Variants in GNG7 observed in about 807,000 individuals in gnomAD.
GNG7 encodes guanine nucleotide-binding protein G(I)/G(S)/G(O) subunit gamma-7.
A neutral mutation model predicts 4.0 loss-of-function variants in GNG7; 1 was observed. That is an observed-to-expected ratio of 0.25 (90% confidence interval 0.09 to 1.18). GNG7 has a LOEUF of 1.18. Ranked by LOEUF, GNG7 falls within the 50% of genes most tolerant of loss-of-function variation. GNG7 has a pLI of 0.50. For synonymous variants in GNG7, 34 were observed against 36.9 expected (o/e 0.92, Z 0.29); for missense variants, 86 against 91.9 (o/e 0.94, Z 0.26).
intron 1 of GNG7, among the ~76,000 whole-genome samples, chr19:2,673,473 A>C (rs1271544812): frequency 6.6e-6 from 1 of 151,902 alleles, no homozygotes; most frequent in Non-Finnish European, 1.5e-5. Context: ...CGGGCGGCTC[A>C]CCTGAGGTCA....
At chr19:2,692,968 G>A (rs576132226) in intron 1 of GNG7, among the ~76,000 whole-genome samples, 7 of 151,198 alleles carry the variant, frequency 4.6e-5, no homozygotes, top group Admixed American at 6.6e-5. Context: ...CCTGGGTAAC[G>A]GAGTAAGCCC....
intron 3 of GNG7, among the ~76,000 whole-genome samples, chr19:2,549,174 C>T (rs534313684): frequency 6.6e-5 from 10 of 152,104 alleles, no homozygotes; most frequent in East Asian, 1.9e-4. Context: ...GCTCAACGCT[C>T]GACGCTCAAA....
chr19:2,579,495 C>T (rs1212555177), intron 2 of GNG7, among the ~76,000 whole-genome samples: 1 of 152,234 alleles, frequency 6.6e-6, no homozygotes. Flanking sequence ...CTCTGAAGCC[C>T]TCGGCACACA....
intron 3 of GNG7, among the ~76,000 whole-genome samples, chr19:2,549,626 G>A (rs545511666): frequency 3.0e-4 from 46 of 152,174 alleles, no homozygotes; most frequent in African/African-American, 1.1e-3. Flanking sequence ...ACGGGGCCGG[G>A]GCATTGTAAG....
At chr19:2,549,505 G>A (rs1979247855) in intron 3 of GNG7, among the ~76,000 whole-genome samples, 1 of 152,072 alleles carries the variant, frequency 6.6e-6, no homozygotes, top group Admixed American at 6.6e-5. Flanking sequence ...TGGCCAGGCT[G>A]GTCTTGAACT....
chr19:2,581,886 G>GT, intron 2 of GNG7, among the ~76,000 whole-genome samples: 1 of 152,326 alleles, frequency 6.6e-6, no homozygotes, highest in East Asian at 1.9e-4. Flanking sequence ...ACAGGGAGGT[G>GT]AGAACATTTT....
chr19:2,575,494 C>T (rs1038046267), intron 2 of GNG7, among the ~76,000 whole-genome samples: 12 of 151,188 alleles, frequency 7.9e-5, no homozygotes, highest in South Asian at 2.1e-4. Context: ...CATGCAGACA[C>T]GCAGGCACAC....
intron 2 of GNG7, among the ~76,000 whole-genome samples, chr19:2,600,708 T>C (rs1327960407): frequency 6.6e-6 from 1 of 151,650 alleles, no homozygotes; most frequent in Non-Finnish European, 1.5e-5. Flanking sequence ...ACTCCTGAGC[T>C]CAGGTGATCC....
chr19:2,581,666 A>G (rs771869595), intron 2 of GNG7, among the ~76,000 whole-genome samples: 32 of 152,186 alleles, frequency 2.1e-4, no homozygotes, highest in Non-Finnish European at 4.4e-4. Flanking sequence ...ACACTGTGAC[A>G]TGTTCCTCAA....
chr19:2,513,206 A>C lies in GNG7; in HGVS notation c.*1816T>G. 1.1e-6 allele frequency: 1 copy of C among 880,728 alleles called. No individual in the cohort carries two copies. Among genetic ancestry groups the C allele is most frequent in the African/African-American group, 1.8e-5 (1 of 55,262 alleles). The allele number at this position is 880,728 out of a possible 1,614,324, so 54.6% of individuals were successfully genotyped here. On this transcript the variant is annotated 3_prime_UTR_variant, in exon 5 of 5. Coordinates refer to ENST00000382159, the MANE Select transcript of GNG7 (RefSeq NM_052847.3). ...AGTCACCAGCTCAGGAAGTGAGCCA[A>C]GCAGGGATCCCCGCCTCACGGGCCT... is the stretch of plus-strand genomic sequence containing the variant.
chr19:2,572,412 A>C (rs55982554), intron 2 of GNG7, among the ~76,000 whole-genome samples: 10,708 of 151,820 alleles, frequency 0.071, 476 homozygotes, highest in African/African-American at 0.12. Flanking sequence ...GCAACCATCA[A>C]CACTACGTAG....
intron 2 of GNG7, among the ~76,000 whole-genome samples, chr19:2,602,324 G>C (rs541941112): frequency 6.7e-6 from 1 of 149,280 alleles, no homozygotes; most frequent in Admixed American, 6.7e-5. Context: ...GCGACAGAGC[G>C]AGACTCCGTC....
intron 1 of GNG7, among the ~76,000 whole-genome samples, chr19:2,667,772 G>A (rs908711404): frequency 1.3e-5 from 2 of 152,022 alleles, no homozygotes; most frequent in South Asian, 2.1e-4. Context: ...AAAATAGGCC[G>A]GGCATGGTGG....
rs1018448027 is a variant in GNG7 at position 2,609,659 on chromosome 19, C to A, written c.-78+36565G>T. Among the ~76,000 whole-genome samples, 1 of 152,180 alleles carries A rather than the reference C, an allele frequency of 6.6e-6. No individual in the cohort carries two copies. The highest frequency in any genetic ancestry group is 6.5e-5 in the Admixed American group (1 of 15,270). ...CGTCTTGGACTTCCAGCCTCCAGAA[C>A]CAAGAGAGAGAAGAAATCTCTGTTG... On this transcript the variant is annotated intron_variant, in intron 2 of 4. Transcript: ENST00000382159. The surrounding 1 kb of genome is among the most constrained non-coding windows in gnomAD (Gnocchi z 4.4).
At chr19:2,598,723 A>AATAATG (rs1568257882) in intron 2 of GNG7, among the ~76,000 whole-genome samples, 2 of 140,112 alleles carry the variant, frequency 1.4e-5, no homozygotes, top group African/African-American at 5.2e-5. Context: ...TAATAATAAT[A>AATAATG]ATGCTACTTG....
intron 2 of GNG7, among the ~76,000 whole-genome samples, chr19:2,584,851 G>A (rs1356618611): frequency 2.1e-5 from 1 of 48,746 alleles, no homozygotes; most frequent in Non-Finnish European, 3.4e-5. Context: ...AAGGAAAGAA[G>A]GAAGGAAGGA....
rs1263189450 is a variant in GNG7 at position 2,653,155 on chromosome 19, CCA to C, written c.-134-6877_-134-6876del. ...ACTGAAAACAAAAACCAGGCCTCAC[CCA>C]CAGTGTCGAAGGCATGCATCTTCTA... On this transcript the variant is annotated intron_variant, in intron 1 of 4. Coordinates refer to ENST00000382159, the MANE Select transcript of GNG7 (RefSeq NM_052847.3). The surrounding 1 kb of genome is among the most constrained non-coding windows in gnomAD (Gnocchi z 4.8). Among the ~76,000 whole-genome samples the C allele has an allele frequency of 3.3e-5, 5 of 152,000 alleles. No individual in the cohort carries two copies. Among genetic ancestry groups the C allele is most frequent in the African/African-American group, 1.2e-4 (5 of 41,382 alleles).
At chr19:2,702,160 T>C (rs1599468943) in intron 1 of GNG7, among the ~76,000 whole-genome samples, 1 of 89,418 alleles carries the variant, frequency 1.1e-5, no homozygotes, top group Non-Finnish European at 2.3e-5. Context: ...AACTCAGACC[T>C]CCAGTCTCAC....
intron 3 of GNG7, among the ~76,000 whole-genome samples, chr19:2,549,244 G>T (rs1306695819): frequency 6.6e-6 from 1 of 152,052 alleles, no homozygotes; most frequent in East Asian, 1.9e-4. Flanking sequence ...TGGCAGCCGT[G>T]GGGGTGGAGG....
Sources: allele counts gnomAD v4.1 joint callset (sites outside exome capture counted in the v4.1 genomes callset), GRCh38; gene constraint gnomAD v4.1.1; non-coding constraint Gnocchi (gnomAD v3.1); transcripts MANE v1.5; gene names NCBI Gene and HGNC (gene_info 2026-07-23, HGNC 2026-07-21).